The following AHI1 variants were observed in gnomAD, a reference collection of about 807,000 sequenced individuals.
AHI1 encodes the protein Abelson helper integration site 1.
In AHI1, 123 loss-of-function variants were observed where a neutral mutation model predicts 149.3. The observed-to-expected ratio is 0.82, with a 90% CI of 0.71 to 0.96. The LOEUF (loss-of-function observed/expected upper bound fraction) is 0.96. Ranked by LOEUF, AHI1 falls within the 40% of genes least tolerant of loss-of-function variation. AHI1 has a pLI of 0.00. For synonymous variants in AHI1, 475 were observed against 459.8 expected (o/e 1.03, Z -0.42); for missense variants, 1,439 against 1,422.7 (o/e 1.01, Z -0.18).
At chr6:135,393,989 TA>T (rs1778875132) in intron 23 of AHI1, among the ~76,000 whole-genome samples, 1 of 152,074 alleles carries the variant, frequency 6.6e-6, no homozygotes, top group Admixed American at 6.5e-5. Flanking sequence ...AAGTTCCAAA[TA>T]CTTTCAAGGT....
At chr6:135,418,881 G>C (rs1782748511) in intron 20 of AHI1, among the ~76,000 whole-genome samples, 1 of 151,344 alleles carries the variant, frequency 6.6e-6, no homozygotes, top group Non-Finnish European at 1.5e-5. Context: ...TAGTTTCCCA[G>C]CATTTAGCAG....
intron 24 of AHI1, among the ~76,000 whole-genome samples, chr6:135,336,780 T>C (rs147009914): frequency 1.3e-3 from 204 of 152,350 alleles, no homozygotes; most frequent in African/African-American, 4.4e-3. Context: ...TGATACATTA[T>C]AGACATGCCT....
intron 24 of AHI1, among the ~76,000 whole-genome samples, chr6:135,327,039 T>C (rs1787809334): frequency 6.6e-6 from 1 of 152,232 alleles, no homozygotes; most frequent in African/African-American, 2.4e-5. Flanking sequence ...AATGGTCCCA[T>C]TCCCATACAG....
intron 23 of AHI1, among the ~76,000 whole-genome samples, chr6:135,377,768 C>A (rs1382007101): frequency 6.6e-6 from 1 of 151,976 alleles, no homozygotes; most frequent in Admixed American, 6.6e-5. Context: ...AACCACTGAG[C>A]CCAGCCTGAG....
At chr6:135,398,802 T>C (rs1173258659) in intron 22 of AHI1, among the ~76,000 whole-genome samples, 1 of 152,170 alleles carries the variant, frequency 6.6e-6, no homozygotes, top group African/African-American at 2.4e-5. Flanking sequence ...TATCCTTATG[T>C]CTTTACTTCT....
chr6:135,361,364 T>G (rs1175436051), intron 23 of AHI1, among the ~76,000 whole-genome samples: 1 of 152,162 alleles, frequency 6.6e-6, no homozygotes. Flanking sequence ...GGCTTTCACA[T>G]GAGATCATTA....
chr6:135,480,799 G>A (rs1278057516), intron 5 of AHI1, among the ~76,000 whole-genome samples: 1 of 152,222 alleles, frequency 6.6e-6, no homozygotes, highest in Non-Finnish European at 1.5e-5. Flanking sequence ...TGAGTGGTGG[G>A]TGAGAGCATT....
chr6:135,418,960 T>A (rs1583139820), intron 20 of AHI1, among the ~76,000 whole-genome samples: 1 of 150,688 alleles, frequency 6.6e-6, no homozygotes, highest in African/African-American at 2.5e-5. Flanking sequence ...TTTTTTTTTT[T>A]GTATTTTATC....
intron 20 of AHI1, among the ~76,000 whole-genome samples, chr6:135,419,860 A>C (rs1012062786): frequency 6.6e-6 from 1 of 152,094 alleles, no homozygotes; most frequent in African/African-American, 2.4e-5. Flanking sequence ...ACCCACAGAA[A>C]TTGTGTCCTC....
At chr6:135,380,467 T>C (rs981602886) in intron 23 of AHI1, among the ~76,000 whole-genome samples, 1 of 152,160 alleles carries the variant, frequency 6.6e-6, no homozygotes, top group African/African-American at 2.4e-5. Context: ...TCCAAGGACC[T>C]TGCTATCTAC....
intron 26 of AHI1, among the ~76,000 whole-genome samples, chr6:135,314,664 T>A (rs142753221): frequency 4.9e-4 from 75 of 152,316 alleles, no homozygotes; most frequent in African/African-American, 1.7e-3. Flanking sequence ...AAGAAACCAT[T>A]TTTCTTTCAG....
intron 23 of AHI1, among the ~76,000 whole-genome samples, chr6:135,389,623 T>A (rs1778172535): frequency 6.6e-6 from 1 of 152,196 alleles, no homozygotes; most frequent in Non-Finnish European, 1.5e-5. Context: ...TTACAATTAA[T>A]AAAGATAATA....
intron 16 of AHI1, among the ~76,000 whole-genome samples, chr6:135,431,599 T>G (rs1456624494): frequency 1.3e-5 from 2 of 152,182 alleles, no homozygotes; most frequent in Non-Finnish European, 2.9e-5. Context: ...TCAGTACATG[T>G]GTATATGGCT....
At chr6:135,339,281 T>G (rs1365979984) in intron 24 of AHI1, among the ~76,000 whole-genome samples, 1 of 152,072 alleles carries the variant, frequency 6.6e-6, no homozygotes, top group African/African-American at 2.4e-5. Flanking sequence ...TATCAAAAAA[T>G]TACGAAACAT....
chr6:135,448,475 G>T lies in AHI1; in HGVS notation c.1441C>A (p.Leu481Ile). The T allele has an allele frequency of 1.4e-6, 2 of 1,456,186 alleles. No individual in the cohort carries two copies. The highest frequency in any genetic ancestry group is 1.7e-5 in the South Asian group (1 of 59,702). 90.2% of individuals were successfully genotyped at this position (1,456,186 alleles called of 1,614,324 possible). The change falls in exon 12 of 29, where the codon CTT becomes ATT. Residue 481 changes from leucine to isoleucine, a missense_variant and splice_region_variant. Coordinates refer to ENST00000265602, the MANE Select transcript of AHI1 (RefSeq NM_001134831.2). ...FRKIAWAFLK[L>I]LGANGNANIN... is the part of the protein sequence containing the mutation. ...TTTGCATTTCCATTGGCTCCCAGAA[G>T]CTTAAAATAAGAATTCATATAAAAT... is the stretch of plus-strand genomic sequence containing the variant.
At chr6:135,414,078 C>T (rs1340921604) in intron 20 of AHI1, among the ~76,000 whole-genome samples, 1 of 152,088 alleles carries the variant, frequency 6.6e-6, no homozygotes, top group Non-Finnish European at 1.5e-5. Context: ...ACTTCAAATC[C>T]TATAAAGCTA....
intron 7 of AHI1, among the ~76,000 whole-genome samples, chr6:135,463,681 G>C (rs1790286218): frequency 6.6e-6 from 1 of 152,026 alleles, no homozygotes; most frequent in Admixed American, 6.6e-5. Context: ...CTTATTTAAA[G>C]GTATAAAAAG....
At position 135,290,462 on chromosome 6, in the gene AHI1, C is replaced by T; in HGVS notation, c.3549G>A (p.Arg1183=). Residue 1183 remains arginine, a synonymous_variant, in exon 28 of 29, where the codon AGG becomes AGA. Transcript: ENST00000265602. ...CTTTTCTGCCTGCTTGCTTGTTCTT[C>T]CTCATCCGTGTATCCATTATGTGTC... ...DQGHIMDTRM[R]KNKQAGRKVT... The T allele has an allele frequency of 6.2e-7, 1 of 1,613,232 alleles. No individual in the cohort carries two copies. Among genetic ancestry groups the T allele is most frequent in the Non-Finnish European group, 8.5e-7 (1 of 1,179,230 alleles).
chr6:135,303,827 CA>C (rs1182921195), intron 26 of AHI1, among the ~76,000 whole-genome samples: 1 of 152,172 alleles, frequency 6.6e-6, no homozygotes, highest in Non-Finnish European at 1.5e-5. Flanking sequence ...CCCTGCTTCC[CA>C]ACCCTATGCC....
Sources: allele counts gnomAD v4.1 joint callset (sites outside exome capture counted in the v4.1 genomes callset), GRCh38; gene constraint gnomAD v4.1.1; transcripts MANE v1.5; gene names NCBI Gene and HGNC (gene_info 2026-07-23, HGNC 2026-07-21).